Variants in PTPRD observed in about 807,000 individuals in gnomAD.
PTPRD encodes the protein receptor-type tyrosine-protein phosphatase delta.
In PTPRD, 34 loss-of-function variants were observed where a neutral mutation model predicts 214.5. The observed-to-expected ratio is 0.16, with a 90% CI of 0.12 to 0.21. The LOEUF is 0.21. Ranked by LOEUF, PTPRD falls within the 10% of genes least tolerant of loss-of-function variation. The pLI is 1.00. For synonymous variants in PTPRD, 1,128 were observed against 845.7 expected (o/e 1.33, Z -5.79); for missense variants, 2,545 against 2,398.7 (o/e 1.06, Z -1.27).
chr9:10,388,780 T>C (rs1182551966), intron 2 of PTPRD, among the ~76,000 whole-genome samples: 2 of 151,890 alleles, frequency 1.3e-5, no homozygotes, highest in African/African-American at 4.8e-5. Context: ...TAAAATAATG[T>C]TGGAACCTAT....
At chr9:9,273,405 CTG>C (rs1244169942) in intron 9 of PTPRD, among the ~76,000 whole-genome samples, 1 of 151,198 alleles carries the variant, frequency 6.6e-6, no homozygotes, top group Non-Finnish European at 1.5e-5. Context: ...ATAGCTCTCT[CTG>C]TGTCTGTATG....
At position 9,802,081 on chromosome 9, in the gene PTPRD, C is replaced by T. The variant is rs548354758; in HGVS notation, c.-367-35230G>A. 5.3e-5 allele frequency among the ~76,000 whole-genome samples: 8 copies of T among 151,982 alleles called. No individual in the cohort carries two copies. The South Asian group carries it at 8.3e-4, about 16-fold the overall frequency. Reference sequence around the variant, plus strand: ...GTGTTTAGCACCAATTGCTTAATTGCGACTCAAGTTGCTTAAGGTTTATTA... The same window carrying T: ...GTGTTTAGCACCAATTGCTTAATTGTGACTCAAGTTGCTTAAGGTTTATTA... On this transcript the variant is annotated intron_variant, in intron 5 of 45. Coordinates refer to ENST00000381196, the MANE Select transcript of PTPRD (RefSeq NM_002839.4).
At chr9:9,657,995 G>A (rs1361397972) in intron 7 of PTPRD, among the ~76,000 whole-genome samples, 1 of 152,118 alleles carries the variant, frequency 6.6e-6, no homozygotes, top group Admixed American at 6.6e-5. Flanking sequence ...TGAGTTTTAT[G>A]TTTAGTTTCT....
At chr9:10,231,550 T>C (rs572612425) in intron 3 of PTPRD, among the ~76,000 whole-genome samples, 26 of 151,764 alleles carry the variant, frequency 1.7e-4, no homozygotes, top group African/African-American at 6.3e-4. Flanking sequence ...GAGATGGAGG[T>C]GGGGTAGGGA....
At chr9:8,873,989 T>G (rs1303180454) in intron 11 of PTPRD, among the ~76,000 whole-genome samples, 3 of 152,212 alleles carry the variant, frequency 2.0e-5, no homozygotes, top group Admixed American at 6.5e-5. Flanking sequence ...ACAGAACACT[T>G]GTGTCCTTCC....
At chr9:8,765,451 G>C (rs2094660805) in intron 11 of PTPRD, among the ~76,000 whole-genome samples, 1 of 152,200 alleles carries the variant, frequency 6.6e-6, no homozygotes, top group African/African-American at 2.4e-5. Flanking sequence ...CCCGTGGACA[G>C]CCCCACATGG....
intron 44 of PTPRD, among the ~76,000 whole-genome samples, chr9:8,327,669 C>G (rs528692968): frequency 5.7e-4 from 87 of 152,260 alleles, no homozygotes; most frequent in Middle Eastern, 6.8e-3. Flanking sequence ...GTGTGGGAGT[C>G]TAAGTCTCTT....
chr9:8,654,388 C>T (rs554885852), intron 12 of PTPRD, among the ~76,000 whole-genome samples: 41 of 152,226 alleles, frequency 2.7e-4, no homozygotes, highest in Admixed American at 5.9e-4. Flanking sequence ...GGTACTCCTC[C>T]GATATTACAA....
chr9:9,566,424 G>T (rs955668587), intron 8 of PTPRD, among the ~76,000 whole-genome samples: 1 of 151,926 alleles, frequency 6.6e-6, no homozygotes, highest in Non-Finnish European at 1.5e-5. Flanking sequence ...TTTAAACTCA[G>T]ATTATTTCTC....
intron 4 of PTPRD, among the ~76,000 whole-genome samples, chr9:10,017,026 A>T (rs1343996269): frequency 2.0e-5 from 3 of 152,122 alleles, no homozygotes; most frequent in African/African-American, 7.2e-5. Context: ...CGGTTGAAAC[A>T]CCTTTAGTCT....
intron 8 of PTPRD, among the ~76,000 whole-genome samples, chr9:9,437,680 G>A (rs1347589603): frequency 6.6e-6 from 1 of 152,064 alleles, no homozygotes; most frequent in Non-Finnish European, 1.5e-5. Flanking sequence ...TAAACAGATT[G>A]TGGCATCTCT....
intron 2 of PTPRD, among the ~76,000 whole-genome samples, chr9:10,565,332 G>A (rs1481226882): frequency 1.3e-5 from 2 of 151,866 alleles, no homozygotes; most frequent in Non-Finnish European, 2.9e-5. Flanking sequence ...TTTTTCTACT[G>A]TATAAATATT....
At chr9:9,799,900 A>G (rs554759862) in intron 5 of PTPRD, among the ~76,000 whole-genome samples, 5 of 152,186 alleles carry the variant, frequency 3.3e-5, no homozygotes, top group Non-Finnish European at 7.4e-5. Context: ...GACAAAAGAA[A>G]AAGACTTAGA....
At chr9:9,687,395 G>C (rs558289855) in intron 7 of PTPRD, among the ~76,000 whole-genome samples, 1 of 151,876 alleles carries the variant, frequency 6.6e-6, no homozygotes, top group South Asian at 2.1e-4. Flanking sequence ...TTATCCTCTT[G>C]AGCTGTTTCT....
At chr9:10,467,656 C>CA (rs148171119) in intron 2 of PTPRD, among the ~76,000 whole-genome samples, 3 of 151,236 alleles carry the variant, frequency 2.0e-5, no homozygotes, top group Non-Finnish European at 4.4e-5. Context: ...ATATACATTC[C>CA]AAAAAAATGG....
chr9:10,107,517 T>A (rs1357220091), intron 3 of PTPRD, among the ~76,000 whole-genome samples: 1 of 152,072 alleles, frequency 6.6e-6, no homozygotes, highest in Admixed American at 6.6e-5. Flanking sequence ...CCTAGGCAAG[T>A]TTACTACCTG....
At chr9:10,081,808 C>T (rs2098242704) in intron 3 of PTPRD, among the ~76,000 whole-genome samples, 1 of 151,954 alleles carries the variant, frequency 6.6e-6, no homozygotes, top group East Asian at 1.9e-4. Flanking sequence ...CAATTTTATT[C>T]GGGTTTTAAA....
At chr9:10,354,706 A>T (rs1005991107) in intron 2 of PTPRD, among the ~76,000 whole-genome samples, 4 of 152,212 alleles carry the variant, frequency 2.6e-5, no homozygotes, top group Non-Finnish European at 4.4e-5. Flanking sequence ...CTGATGAAAC[A>T]TGAGGCTACT....
chr9:10,170,028 G>T (rs2099190845), intron 3 of PTPRD, among the ~76,000 whole-genome samples: 1 of 152,176 alleles, frequency 6.6e-6, no homozygotes, highest in Non-Finnish European at 1.5e-5. Context: ...ATGCAAGTGA[G>T]ACATTCTTCA....
Sources: gnomAD v4.1 joint callset for allele counts (sites outside exome capture counted in the v4.1 genomes callset) on GRCh38, gnomAD v4.1.1 for gene constraint, MANE v1.5 for transcripts, NCBI Gene and HGNC (gene_info 2026-07-23, HGNC 2026-07-21) for gene names.